MTRR: variants seen among roughly 807,000 people sequenced by gnomAD.
The protein encoded by MTRR is methionine synthase reductase.
Under a neutral mutation model 79.2 loss-of-function variants are expected in MTRR, and 63 were observed. The observed-to-expected ratio is 0.80, with a 90% CI of 0.65 to 0.98. MTRR has a LOEUF of 0.98. MTRR is among the 50% of genes least tolerant of loss of function. The probability of loss-of-function intolerance (pLI) is 0.00; values close to 1 mark genes in which losing one functional copy is unlikely to be tolerated. For missense variants in MTRR, 895 were observed against 839.6 expected, an observed-to-expected ratio of 1.07 and a Z score of -0.82; for synonymous variants, 355 against 313.3, an observed-to-expected ratio of 1.13 and a Z score of -1.41.
chr5:7,858,927 TAA>T (rs888210312), intron 1 of MTRR, among the ~76,000 whole-genome samples: 2 of 151,986 alleles, frequency 1.3e-5, no homozygotes, highest in Non-Finnish European at 2.9e-5. Context: ...AAATATTTAT[TAA>T]AAAAAAGTTT....
upstream of MTRR, chr5:7,869,098 C>T (rs1747346011): frequency 6.2e-7 from 1 of 1,610,686 alleles, no homozygotes; most frequent in South Asian, 1.1e-5. Context: ...GGCCCAGGTC[C>T]CCTTCGGAGC....
At chr5:7,881,379 G>A (rs1561203735) in intron 5 of MTRR, among the ~76,000 whole-genome samples, 1 of 151,992 alleles carries the variant, frequency 6.6e-6, no homozygotes, top group Non-Finnish European at 1.5e-5. Context: ...ATGGGGTGTG[G>A]TAGTGGGGGT....
chr5:7,887,073 T>C (rs1457375039), intron 8 of MTRR, among the ~76,000 whole-genome samples: 3 of 152,180 alleles, frequency 2.0e-5, no homozygotes, highest in South Asian at 2.1e-4. Context: ...TGCTGCTCCT[T>C]CTTTAATTGG....
At chr5:7,867,186 G>A (rs1187859791), upstream of MTRR, 3 of 1,614,196 alleles carry the variant, frequency 1.9e-6, no homozygotes, top group Non-Finnish European at 2.5e-6. Context: ...AGGGCAGTGA[G>A]CATTTGGCTA....
intron 5 of MTRR, among the ~76,000 whole-genome samples, chr5:7,882,561 G>A (rs1307402027): frequency 2.0e-5 from 3 of 152,132 alleles, no homozygotes; most frequent in East Asian, 3.8e-4. Context: ...AAAGGAGTAG[G>A]GAGTATTATA....
chr5:7,864,554 G>A (rs1002681448), upstream of MTRR, among the ~76,000 whole-genome samples: 17 of 152,012 alleles, frequency 1.1e-4, no homozygotes, highest in Non-Finnish European at 1.8e-4. Flanking sequence ...AGTCCTTAAA[G>A]ACAAACCATC....
At chr5:7,870,145 A>T in intron 1 of MTRR, 1 of 894,542 alleles carries the variant, frequency 1.1e-6, no homozygotes, top group African/African-American at 1.8e-5. Context: ...TTTTTTCGTT[A>T]TATGCACCCG....
intron 2 of MTRR, 32 bp downstream of exon 2, chr5:7,870,955 T>C (rs781454125): frequency 4.3e-6 from 7 of 1,614,014 alleles, no homozygotes; most frequent in Non-Finnish European, 5.9e-6. Flanking sequence ...TTTACCGTTT[T>C]GTGCTTTGAA....
At chr5:7,878,559 G>A (rs1348911637) in intron 5 of MTRR, among the ~76,000 whole-genome samples, 1 of 152,224 alleles carries the variant, frequency 6.6e-6, no homozygotes, top group East Asian at 1.9e-4. Flanking sequence ...TTACCACAGG[G>A]GCCTGCAATG....
chr5:7,895,576 A>G (rs1436142047), intron 11 of MTRR, among the ~76,000 whole-genome samples, 158 bp from the exon 12 acceptor site: 2 of 152,194 alleles, frequency 1.3e-5, no homozygotes, highest in East Asian at 1.9e-4. Flanking sequence ...TGTAGTGACA[A>G]ATGTGCTCAT....
chr5:7,888,712 T>G (rs1038928856), intron 8 of MTRR, among the ~76,000 whole-genome samples: 1 of 152,216 alleles, frequency 6.6e-6, no homozygotes, highest in African/African-American at 2.4e-5. Context: ...TAACATTTGA[T>G]GCAGATAATT....
chr5:7,894,169 C>T (rs1273341357), intron 11 of MTRR, among the ~76,000 whole-genome samples: 1 of 152,264 alleles, frequency 6.6e-6, no homozygotes, highest in East Asian at 1.9e-4. Context: ...AATCTATATG[C>T]AGTAGAAGTG....
chr5:7,857,975 A>G (rs747929192), intron 1 of MTRR, among the ~76,000 whole-genome samples: 2 of 152,194 alleles, frequency 1.3e-5, no homozygotes, highest in Non-Finnish European at 2.9e-5. Flanking sequence ...ATTTTTCTTC[A>G]TAGCATTTAT....
Position 7,895,681 on chromosome 5 carries a change from T to C in MTRR, c.1558-53T>C, listed in dbSNP as rs1322168913. Reference sequence around the variant, plus strand: ...TTTAGCAAAGATCATCTTGATTATATACTCTTGCCTAGGTTTTCTTTCATA... The same window carrying C: ...TTTAGCAAAGATCATCTTGATTATACACTCTTGCCTAGGTTTTCTTTCATA... On this transcript the variant is annotated intron_variant, in intron 11 of 14. Coordinates refer to ENST00000440940, the MANE Select transcript of MTRR (RefSeq NM_002454.3). The C allele has an allele frequency of 3.1e-6, 5 of 1,604,818 alleles. No individual in the cohort carries two copies. The African/African-American group carries it at 4.0e-5, about 13-fold the overall frequency.
At chr5:7,877,353 C>A (rs1579650074) in intron 4 of MTRR, among the ~76,000 whole-genome samples, 1 of 151,686 alleles carries the variant, frequency 6.6e-6, no homozygotes, top group Non-Finnish European at 1.5e-5. Context: ...CTCCTGTTGT[C>A]AGCCTCCCTG....
At chr5:7,872,258 C>T (rs746135503) in intron 2 of MTRR, 1 of 454,268 alleles carries the variant, frequency 2.2e-6, no homozygotes, top group South Asian at 1.6e-5. Flanking sequence ...TTATTTGGAG[C>T]CAAATTCGAT....
At chr5:7,858,923 T>G (rs929786681) in intron 1 of MTRR, among the ~76,000 whole-genome samples, 4 of 152,098 alleles carry the variant, frequency 2.6e-5, no homozygotes, top group African/African-American at 9.7e-5. Flanking sequence ...CTCTAAATAT[T>G]TATTAAAAAA....
At chr5:7,887,758 G>A (rs140063418) in intron 8 of MTRR, among the ~76,000 whole-genome samples, 2,463 of 139,250 alleles carry the variant, frequency 0.018, 42 homozygotes, top group Non-Finnish European at 0.026. Flanking sequence ...GTGTATATAT[G>A]TGTGTGTATG....
chr5:7,887,793 C>CATATATACATATATATATATATATAT lies in MTRR; in HGVS notation c.1146+1097_1146+1098insCATATATATATATATATATATATATA, dbSNP rs1491410388. 8.9e-4 allele frequency among the ~76,000 whole-genome samples: 82 copies of CATATATACATATATATATATATATAT among 92,010 alleles called. 4 individuals are homozygous for CATATATACATATATATATATATATAT. Among genetic ancestry groups the CATATATACATATATATATATATATAT allele is most frequent in the Admixed American group, 2.1e-3 (17 of 7,956 alleles). 60.4% of individuals were successfully genotyped at this position (92,010 alleles called of 152,430 possible). A position where few individuals can be genotyped will look rare whatever the true frequency, so the allele number is the denominator to read the frequency against. Reference sequence around the variant, plus strand: ...GTATATATTTGTGTGTGTGTGTGTGCATATATATATATATATATATATATA... The same window carrying CATATATACATATATATATATATATAT: ...GTATATATTTGTGTGTGTGTGTGTGCATATATACATATATATATATATATATATATATATATATATATATATATATA... On this transcript the variant is annotated intron_variant, in intron 8 of 14. Transcript: ENST00000440940.
Sources: gnomAD v4.1 joint callset for allele counts (sites outside exome capture counted in the v4.1 genomes callset) on GRCh38, gnomAD v4.1.1 for gene constraint, MANE v1.5 for transcripts, NCBI Gene and HGNC (gene_info 2026-07-23, HGNC 2026-07-21) for gene names.